The following TRPA1 variants were observed in gnomAD, a reference collection of about 807,000 sequenced individuals.
TRPA1 encodes the protein transient receptor potential cation channel subfamily A member 1, also known as ankyrin-like with transmembrane domains 1.
Under a neutral mutation model 131.3 loss-of-function variants are expected in TRPA1, and 129 were observed. The observed-to-expected ratio is 0.98, with a 90% confidence interval of 0.85 to 1.14. The LOEUF (loss-of-function observed/expected upper bound fraction) is 1.14. Ranked by LOEUF, TRPA1 falls within the 50% of genes most tolerant of loss-of-function variation. The pLI is 0.00. For missense variants in TRPA1, 1,304 were observed against 1,354.2 expected, an observed-to-expected ratio of 0.96 and a Z score of 0.58; for synonymous variants, 441 against 451.7, an observed-to-expected ratio of 0.98 and a Z score of 0.30.
At position 72,061,647 on chromosome 8, in the gene TRPA1, A is replaced by G. The variant is rs748558310; in HGVS notation, c.922T>C (p.Cys308Arg). The part of the protein sequence containing the change: ...SVDIVNTTDG[C>R]HETMLHRASL... ...TGCCTGTGAAGCATGGTCTCATGAC[A>G]TCCATCGGTTGTGTTAACAATATCC... The change falls in exon 7 of 27, where the codon TGT becomes CGT. Residue 308 changes from cysteine to arginine, a missense_variant. Cys to Arg is a radical substitution (Grantham distance 180). Transcript: ENST00000262209. The G allele has an allele frequency of 1.9e-6, 3 of 1,614,090 alleles. No individual in the cohort carries two copies. The highest frequency in any genetic ancestry group is 2.5e-6 in the Non-Finnish European group (3 of 1,179,958).
chr8:72,067,798 G>A (rs539668221), intron 3 of TRPA1, among the ~76,000 whole-genome samples: 21 of 152,252 alleles, frequency 1.4e-4, no homozygotes, highest in Non-Finnish European at 3.1e-4. Flanking sequence ...TGTTGCCAGA[G>A]GACTTTCTAG....
upstream of TRPA1, among the ~76,000 whole-genome samples, chr8:72,078,827 A>C (rs77614972): frequency 0.038 from 5,827 of 152,096 alleles, 372 homozygotes; most frequent in African/African-American, 0.13. Context: ...TTGTATGAAA[A>C]TGCCTAATTA....
intron 3 of TRPA1, among the ~76,000 whole-genome samples, chr8:72,065,860 T>G (rs902839609): frequency 5.3e-5 from 8 of 152,240 alleles, no homozygotes; most frequent in Admixed American, 4.6e-4. Context: ...ACTTCTGACT[T>G]GTAGTAAGTG....
In TRPA1 at chr8:72,052,753, G is replaced by A. The variant is rs761603519; in HGVS notation, c.1657C>T (p.His553Tyr). 4.3e-6 allele frequency: 7 copies of A among 1,613,038 alleles called. No homozygotes were observed. In the South Asian group the frequency reaches 6.6e-5, roughly 15 times the overall value. Residue 553 changes from histidine to tyrosine, a missense_variant, in exon 14 of 27, where the codon CAC (histidine) becomes TAC (tyrosine). Coordinates refer to ENST00000262209, the MANE Select transcript of TRPA1 (RefSeq NM_007332.3). Reference protein sequence around the residue: ...RLDEDGNTALHFAAREGHAKA... With the variant: ...RLDEDGNTALYFAAREGHAKA... Reference sequence around the variant, plus strand: ...GCGTGGCCTTCCCTTGCAGCAAAGTGAAGTGCAGTGTTCTTTTGAAGAAAA... The same window carrying A: ...GCGTGGCCTTCCCTTGCAGCAAAGTAAAGTGCAGTGTTCTTTTGAAGAAAA...
rs767616983 is a variant in TRPA1 at position 72,029,976 on chromosome 8, T to G, written c.2869-7A>C. The G allele has an allele frequency of 5.0e-6, 8 of 1,612,844 alleles. No individual in the cohort carries two copies. The highest frequency in any genetic ancestry group is 6.8e-6 in the Non-Finnish European group (8 of 1,178,966). ...CGCCAACTGCCAAACCAATCTGAAGTATGACACAAAATTAAATCACTACAG... is the reference window on the plus strand; with the variant it reads ...CGCCAACTGCCAAACCAATCTGAAGGATGACACAAAATTAAATCACTACAG... On this transcript the variant is annotated splice_polypyrimidine_tract_variant and splice_region_variant and intron_variant, in intron 23 of 26. Coordinates refer to ENST00000262209, the MANE Select transcript of TRPA1 (RefSeq NM_007332.3).
At chr8:72,027,927 G>T (rs1018774241) in intron 24 of TRPA1, among the ~76,000 whole-genome samples, 1 of 152,096 alleles carries the variant, frequency 6.6e-6, no homozygotes, top group Admixed American at 6.5e-5. Flanking sequence ...GTGCTTTTCA[G>T]CTCAACCCCA....
At position 72,023,024 on chromosome 8, in the gene TRPA1, T is replaced by A. The variant is rs1811452464; in HGVS notation, c.3242A>T (p.Asp1081Val). The A allele has an allele frequency of 6.2e-7, 1 of 1,613,880 alleles. No individual in the cohort carries two copies. Residue 1081 changes from aspartate to valine, a missense_variant, in exon 27 of 27, where the codon GAT becomes GTT. By Grantham distance (152) the Asp-to-Val change is radical. Transcript: ENST00000262209. The stretch of plus-strand genomic sequence containing the variant: ...GTCTTGAAAAGAACAATGGCTATCA[T>A]CATCCTCTGTCTCAGAGATGATCTC... ...KMEIISETED[D>V]DSHCSFQDRF...
chr8:72,023,916 C>A lies in TRPA1; in HGVS notation c.3052-5G>T, dbSNP rs769034606. On this transcript the variant is annotated splice_polypyrimidine_tract_variant and splice_region_variant and intron_variant, in intron 25 of 26. Coordinates refer to ENST00000262209, the MANE Select transcript of TRPA1 (RefSeq NM_007332.3). Reference sequence around the variant, plus strand: ...AAATAAAAAACAGAATATATGCTGTCGGATAAAAAATAGTAGTTACTCAAA... The same window carrying A: ...AAATAAAAAACAGAATATATGCTGTAGGATAAAAAATAGTAGTTACTCAAA... 1.9e-6 allele frequency: 3 copies of A among 1,555,244 alleles called. No homozygotes were observed. The highest frequency in any genetic ancestry group is 1.7e-5 in the Admixed American group (1 of 59,724).
At chr8:72,059,178 G>T (rs993131244) in intron 8 of TRPA1, among the ~76,000 whole-genome samples, 1 of 152,146 alleles carries the variant, frequency 6.6e-6, no homozygotes, top group Admixed American at 6.5e-5. Flanking sequence ...TCCAAATTAC[G>T]CTTTGACACT....
the TRPA1 span, among the ~76,000 whole-genome samples, chr8:72,083,239 T>C: frequency 3.3e-5 from 5 of 152,238 alleles, no homozygotes; most frequent in Non-Finnish European, 7.3e-5. Flanking sequence ...ATTCAACATC[T>C]TTATATTAGC....
intron 2 of TRPA1, among the ~76,000 whole-genome samples, chr8:72,069,469 T>C (rs751142908): frequency 2.0e-5 from 3 of 152,194 alleles, no homozygotes; most frequent in Non-Finnish European, 4.4e-5. Context: ...CTATATGTTT[T>C]TATCTATATG....
chr8:72,050,913 CTTCTG>C (rs1440774157), intron 14 of TRPA1, 42 bp from the exon 15 acceptor site: 2 of 1,363,478 alleles, frequency 1.5e-6, no homozygotes, highest in Middle Eastern at 1.8e-4. Context: ...GGTCTTCATC[CTTCTG>C]TTCTGTACAA....
At chr8:72,057,187 C>A (rs1805689495) in intron 9 of TRPA1, among the ~76,000 whole-genome samples, 170 bp from the exon 10 acceptor site, 1 of 151,974 alleles carries the variant, frequency 6.6e-6, no homozygotes, top group South Asian at 2.1e-4. Context: ...TCAGGTTTAA[C>A]TTACTCTCTG....
Position 72,033,651 on chromosome 8 carries a change from T to G in TRPA1, c.2861A>C (p.Asn954Thr), listed in dbSNP as rs760812691. Residue 954 changes from asparagine (N) to threonine (T), a missense_variant, in exon 23 of 27, where the codon AAT becomes ACT. Transcript: ENST00000262209. The stretch of plus-strand genomic sequence containing the variant: ...TAAGAAAAAACTACTTACAAGTAAA[T>G]TCATGAGGACAATTGGGACAAATAT... ...FTIFVPIVLM[N>T]LLIGLAVGDI... 3.8e-5 allele frequency: 62 copies of G among 1,613,370 alleles called. No individual in the cohort carries two copies. Among genetic ancestry groups the G allele is most frequent in the South Asian group, 1.4e-4 (13 of 90,988 alleles).
intron 1 of TRPA1, among the ~76,000 whole-genome samples, chr8:72,072,769 G>A (rs543136088): frequency 1.4e-3 from 214 of 152,252 alleles, no homozygotes; most frequent in African/African-American, 4.8e-3. Flanking sequence ...CCCTAGTGCC[G>A]GAAAGAGCAG....
At chr8:72,070,035 C>T (rs1057120419) in intron 2 of TRPA1, among the ~76,000 whole-genome samples, 1 of 152,182 alleles carries the variant, frequency 6.6e-6, no homozygotes, top group Non-Finnish European at 1.5e-5. Flanking sequence ...ATATATGGTA[C>T]TATGTACCCC....
rs746056010 is a variant in TRPA1, at chr8:72,053,770, G to C, written c.1627C>G (p.Arg543Gly). Reference sequence around the variant, plus strand: ...GTACATACCCCGTCTTCATCCAGGCGATCTGTGCACTTCAAATTAGTATCA... The same window carrying C: ...GTACATACCCCGTCTTCATCCAGGCCATCTGTGCACTTCAAATTAGTATCA... ...ILDTNLKCTDRLDEDGNTALH... is the reference protein window; with the variant it reads ...ILDTNLKCTDGLDEDGNTALH... The change falls in exon 13 of 27, where the codon CGC becomes GGC. Residue 543 changes from arginine to glycine, a missense_variant. By Grantham distance (125) the Arg-to-Gly change is moderately radical. Transcript: ENST00000262209. 1.9e-6 allele frequency: 3 copies of C among 1,612,170 alleles called. No homozygotes were observed. In the South Asian group the frequency reaches 3.3e-5, roughly 18 times the overall value.
the TRPA1 span, among the ~76,000 whole-genome samples, chr8:72,082,234 G>A: frequency 6.6e-6 from 1 of 151,912 alleles, no homozygotes; most frequent in South Asian, 2.1e-4. Context: ...CTATGGCAAT[G>A]TTCCTCCAAT....
intron 25 of TRPA1, among the ~76,000 whole-genome samples, chr8:72,024,128 T>G (rs185877644): frequency 6.6e-6 from 1 of 152,124 alleles, no homozygotes; most frequent in African/African-American, 2.4e-5. Flanking sequence ...CATGTACAGA[T>G]AAAACAGAAG....
Sources: allele counts gnomAD v4.1 joint callset (sites outside exome capture counted in the v4.1 genomes callset), GRCh38; gene constraint gnomAD v4.1.1; transcripts MANE v1.5; gene names NCBI Gene and HGNC (gene_info 2026-07-23, HGNC 2026-07-21).